Variants in RBFOX1 observed in about 807,000 individuals in gnomAD.
The protein encoded by RBFOX1 is RNA binding fox-1 homolog 1.
In RBFOX1, 8 loss-of-function variants were observed where a neutral mutation model predicts 57.7. The ratio of observed to expected loss-of-function variants is 0.14; its 90% confidence interval spans 0.08 to 0.25. RBFOX1 has a LOEUF of 0.25. Ranked by LOEUF, RBFOX1 falls within the 10% of genes least tolerant of loss-of-function variation. RBFOX1 has a pLI of 1.00. For synonymous variants in RBFOX1, 326 were observed against 222.4 expected, an observed-to-expected ratio of 1.47 and a Z score of -4.15; for missense variants, 611 against 548.5, an observed-to-expected ratio of 1.11 and a Z score of -1.14.
At chr16:6,783,115 G>T (rs1466688549) in intron 3 of RBFOX1, among the ~76,000 whole-genome samples, 1 of 151,746 alleles carries the variant, frequency 6.6e-6, no homozygotes, top group African/African-American at 2.4e-5. Flanking sequence ...TTTTCAGTCT[G>T]TGTGTTTTCG....
At chr16:6,300,943 G>A (rs1021004109) in intron 1 of RBFOX1, among the ~76,000 whole-genome samples, 2 of 152,294 alleles carry the variant, frequency 1.3e-5, no homozygotes, top group Non-Finnish European at 1.5e-5. Context: ...CTGGCATCAT[G>A]CTTTGATGGT....
intron 2 of RBFOX1, among the ~76,000 whole-genome samples, chr16:5,494,880 A>T (rs888463114): frequency 6.6e-6 from 1 of 151,952 alleles, no homozygotes; most frequent in Non-Finnish European, 1.5e-5. Context: ...ACCCCTGTTT[A>T]CTCCTTCTTT....
At chr16:6,562,535 T>G (rs2097191989) in intron 2 of RBFOX1, among the ~76,000 whole-genome samples, 2 of 152,226 alleles carry the variant, frequency 1.3e-5, no homozygotes, top group African/African-American at 4.8e-5. Context: ...GTATTTAGTT[T>G]GGAAGTAAAT....
At chr16:5,808,025 A>G (rs2055289809) in intron 3 of RBFOX1, among the ~76,000 whole-genome samples, 1 of 152,148 alleles carries the variant, frequency 6.6e-6, no homozygotes, top group Non-Finnish European at 1.5e-5. Context: ...TACTCCTTCT[A>G]TGCCTGAATC....
At chr16:6,369,994 C>T (rs1469664633) in intron 2 of RBFOX1, among the ~76,000 whole-genome samples, 2 of 152,142 alleles carry the variant, frequency 1.3e-5, no homozygotes, top group African/African-American at 4.8e-5. Flanking sequence ...TGTCAAGTCT[C>T]TTTAGTGTCT....
At chr16:5,506,532 C>T (rs939222909) in intron 2 of RBFOX1, among the ~76,000 whole-genome samples, 8 of 152,170 alleles carry the variant, frequency 5.3e-5, no homozygotes, top group Non-Finnish European at 1.0e-4. Context: ...TTCTGCTCAC[C>T]CTGCAGCTGC....
At chr16:6,732,455 T>C (rs1242167132) in intron 3 of RBFOX1, among the ~76,000 whole-genome samples, 1 of 152,216 alleles carries the variant, frequency 6.6e-6, no homozygotes, top group Admixed American at 6.5e-5. Flanking sequence ...TTATTGAGGA[T>C]GGTGAGGTCA....
intron 3 of RBFOX1, among the ~76,000 whole-genome samples, chr16:5,818,278 G>T (rs965935305): frequency 6.6e-6 from 1 of 152,190 alleles, no homozygotes; most frequent in African/African-American, 2.4e-5. Flanking sequence ...TGGACTGACA[G>T]GGTGAAGACC....
rs915154432 is a variant in RBFOX1 at position 7,075,860 on chromosome 16, G to A, written c.27+23762G>A. 6.6e-5 allele frequency among the ~76,000 whole-genome samples: 10 copies of A among 152,158 alleles called. No individual in the cohort carries two copies. In the East Asian group the frequency reaches 1.9e-3, roughly 30 times the overall value. On this transcript the variant is annotated intron_variant, in intron 4 of 15. Transcript: ENST00000550418. The stretch of plus-strand genomic sequence containing the variant: ...TTCCCAAAGTGCTGGGATTACAGGC[G>A]TGAGCCACCGCGCCCGGCCTGGGCT...
At chr16:6,327,081 A>G (rs1007719928) in intron 2 of RBFOX1, among the ~76,000 whole-genome samples, 2 of 152,088 alleles carry the variant, frequency 1.3e-5, no homozygotes, top group Non-Finnish European at 2.9e-5. Context: ...TGGCTCTAAC[A>G]TGCACCACTG....
intron 1 of RBFOX1, among the ~76,000 whole-genome samples, chr16:5,247,967 G>C (rs1276077282): frequency 6.6e-6 from 1 of 152,184 alleles, no homozygotes; most frequent in Non-Finnish European, 1.5e-5. Context: ...CTGGGCACTG[G>C]GCTAGGGTGC....
In RBFOX1 at chr16:6,994,541, C is replaced by T. The variant is rs2091977045; in HGVS notation, c.-15-57516C>T. Among the ~76,000 whole-genome samples the T allele has an allele frequency of 2.6e-5, 4 of 152,210 alleles. 1 individual carries two copies. The South Asian group carries it at 8.3e-4, about 32-fold the overall frequency. ...ATTTTCTTGCATTTTTTAATAGAAG[C>T]AAAAGAAGCCAAAACCTAGCTAAAA... On this transcript the variant is annotated intron_variant, in intron 3 of 15. Transcript: ENST00000550418.
chr16:6,908,957 C>G (rs77953571), intron 3 of RBFOX1, among the ~76,000 whole-genome samples: 4,475 of 152,286 alleles, frequency 0.029, 173 homozygotes, highest in East Asian at 0.12. Context: ...TTCCCCCCAA[C>G]ACGCTCTCTC....
chr16:5,943,970 C>T (rs925380507), intron 4 of RBFOX1, among the ~76,000 whole-genome samples: 4 of 151,502 alleles, frequency 2.6e-5, no homozygotes, highest in Non-Finnish European at 4.4e-5. Context: ...CATCCACCCC[C>T]CCACCCATCC....
At chr16:5,645,161 A>C (rs985756518) in intron 3 of RBFOX1, among the ~76,000 whole-genome samples, 10 of 152,096 alleles carry the variant, frequency 6.6e-5, no homozygotes, top group African/African-American at 2.4e-4. Context: ...AGGCAGGAGA[A>C]TCACTTGAAC....
intron 4 of RBFOX1, among the ~76,000 whole-genome samples, chr16:7,238,333 A>G (rs2093879345): frequency 7.6e-6 from 1 of 132,020 alleles, no homozygotes; most frequent in South Asian, 2.4e-4. Flanking sequence ...ATGGTAAAAA[A>G]AAAATAAATA....
chr16:5,484,110 G>C (rs374705806), intron 2 of RBFOX1, among the ~76,000 whole-genome samples: 1 of 152,218 alleles, frequency 6.6e-6, no homozygotes, highest in Admixed American at 6.5e-5. Flanking sequence ...GGTTGAGGCC[G>C]CAGTGAGCTG....
At chr16:5,469,763 T>C (rs2069072759) in intron 2 of RBFOX1, among the ~76,000 whole-genome samples, 2 of 152,220 alleles carry the variant, frequency 1.3e-5, no homozygotes, top group Admixed American at 1.3e-4. Flanking sequence ...TTGTATAGTA[T>C]GTGGTCTTCC....
At chr16:7,439,330 T>A (rs1385228150) in intron 4 of RBFOX1, among the ~76,000 whole-genome samples, 1 of 150,910 alleles carries the variant, frequency 6.6e-6, no homozygotes, top group Non-Finnish European at 1.5e-5. Context: ...ACGTCATGAG[T>A]CTGTACTGGC....
Sources: gnomAD v4.1 joint callset for allele counts (sites outside exome capture counted in the v4.1 genomes callset) on GRCh38, gnomAD v4.1.1 for gene constraint, MANE v1.5 for transcripts, NCBI Gene and HGNC (gene_info 2026-07-23, HGNC 2026-07-21) for gene names.